EGF: variants seen among roughly 807,000 people sequenced by gnomAD.
EGF encodes the protein epidermal growth factor, also known as pro-epidermal growth factor.
EGF carries 95 observed loss-of-function variants against 143.8 expected under a neutral mutation model. The ratio of observed to expected loss-of-function variants is 0.66; its 90% CI spans 0.56 to 0.78. The LOEUF (loss-of-function observed/expected upper bound fraction) is 0.78, where lower values mean the gene tolerates loss of function less well. Ranked by LOEUF, EGF falls within the 30% of genes least tolerant of loss-of-function variation. The pLI is 0.00. For synonymous variants in EGF, 510 were observed against 510.5 expected, an observed-to-expected ratio of 1.00 and a Z score of 0.01; for missense variants, 1,320 against 1,470.9, an observed-to-expected ratio of 0.90 and a Z score of 1.68.
At chr4:109,936,101 G>T (rs773852280) in intron 1 of EGF, among the ~76,000 whole-genome samples, 27 of 152,266 alleles carry the variant, frequency 1.8e-4, no homozygotes, top group Non-Finnish European at 2.9e-4. Context: ...CTATTGATTG[G>T]AATAGTTTCA....
At chr4:109,919,297 C>CTCTG (rs1737292392) in intron 1 of EGF, among the ~76,000 whole-genome samples, 2 of 108,450 alleles carry the variant, frequency 1.8e-5, no homozygotes, top group Non-Finnish European at 3.8e-5. Flanking sequence ...GTCTCTCTCT[C>CTCTG]TCTCTCTCTC....
Position 109,969,104 on chromosome 4 carries a change from A to G in EGF, c.1709A>G (p.Tyr570Cys), listed in dbSNP as rs1747140641. Residue 570 changes from tyrosine (Y) to cysteine (C), a missense_variant, in exon 11 of 24, where the codon TAT (tyrosine) becomes TGT (cysteine). Tyr to Cys is a radical substitution (Grantham distance 194). Around this residue, in one of 5 missense-constraint regions of EGF, gnomAD observed 1,186 missense variants for 1,313.7 expected, o/e 0.90. Coordinates refer to ENST00000265171, the MANE Select transcript of EGF (RefSeq NM_001963.6). ...GTGGACTGGATTGGCCGTAGATTCTATTGGACAGACAGAGGGTATGTTTTC... is the reference window on the plus strand; with the variant it reads ...GTGGACTGGATTGGCCGTAGATTCTGTTGGACAGACAGAGGGTATGTTTTC... Reference protein sequence around the residue: ...LAVDWIGRRFYWTDRGKSLIG... With the variant: ...LAVDWIGRRFCWTDRGKSLIG... The G allele has an allele frequency of 1.9e-6, 3 of 1,614,120 alleles. No individual in the cohort carries two copies. The highest frequency in any genetic ancestry group is 2.2e-5 in the East Asian group (1 of 44,882).
intron 5 of EGF, among the ~76,000 whole-genome samples, chr4:109,955,003 G>C (rs1206279429): frequency 5.3e-5 from 8 of 152,210 alleles, no homozygotes; most frequent in Non-Finnish European, 1.2e-4. Context: ...CAAATATTTA[G>C]TTATGACTTC....
intron 13 of EGF, among the ~76,000 whole-genome samples, chr4:109,979,044 C>T (rs1015121197): frequency 3.3e-5 from 5 of 152,182 alleles, no homozygotes; most frequent in African/African-American, 9.7e-5. Context: ...TGAGATAGAA[C>T]GTTAAAACAT....
chr4:109,980,634 T>C, intron 14 of EGF, 192 bp from the exon 15 acceptor site: 2 of 660,052 alleles, frequency 3.0e-6, no homozygotes, highest in Non-Finnish European at 5.3e-6. Context: ...AATAACATTC[T>C]GGGCTTATCT....
intron 23 of EGF, among the ~76,000 whole-genome samples, chr4:110,010,662 G>A (rs577208128): frequency 6.6e-6 from 1 of 152,120 alleles, no homozygotes; most frequent in African/African-American, 2.4e-5. Context: ...TGTTACCCAG[G>A]CTGGTCTTGA....
intron 19 of EGF, among the ~76,000 whole-genome samples, 195 bp downstream of exon 19, chr4:109,993,564 G>A (rs193107967): frequency 6.6e-6 from 1 of 152,234 alleles, no homozygotes; most frequent in East Asian, 1.9e-4. Context: ...ATAGCATCTG[G>A]AATAAATCCT....
intron 9 of EGF, among the ~76,000 whole-genome samples, chr4:109,963,507 C>T (rs564693339): frequency 1.3e-4 from 20 of 152,162 alleles, no homozygotes; most frequent in Admixed American, 3.3e-4. Context: ...AATTAGCATC[C>T]GGCAAAGATT....
intron 1 of EGF, among the ~76,000 whole-genome samples, chr4:109,924,353 A>G (rs753729190): frequency 4.0e-5 from 6 of 151,730 alleles, no homozygotes; most frequent in Non-Finnish European, 8.8e-5. Flanking sequence ...TAATAGTTTT[A>G]AGTCGGTTTA....
intron 4 of EGF, among the ~76,000 whole-genome samples, 185 bp downstream of exon 4, chr4:109,944,254 A>T (rs1162689339): frequency 1.3e-5 from 2 of 152,222 alleles, no homozygotes; most frequent in Admixed American, 1.3e-4. Context: ...CCTGGCTAAC[A>T]CGGTGAAACC....
chr4:109,940,473 T>C (rs1408146856), intron 1 of EGF, among the ~76,000 whole-genome samples: 1 of 152,222 alleles, frequency 6.6e-6, no homozygotes, highest in Non-Finnish European at 1.5e-5. Flanking sequence ...TAAGACCTTT[T>C]AGTTTTCACC....
chr4:109,982,935 C>T (rs898932515), intron 15 of EGF, among the ~76,000 whole-genome samples: 6 of 152,058 alleles, frequency 3.9e-5, no homozygotes, highest in South Asian at 2.1e-4. Context: ...GTGGGCAGTG[C>T]GAGAATCTTA....
intron 10 of EGF, among the ~76,000 whole-genome samples, chr4:109,966,495 G>C (rs1746622764): frequency 6.6e-6 from 1 of 152,048 alleles, no homozygotes; most frequent in African/African-American, 2.4e-5. Flanking sequence ...ATAGTGCTGT[G>C]ATAAACATAC....
intron 5 of EGF, 145 bp from the exon 6 acceptor site, chr4:109,959,167 C>G: frequency 7.7e-7 from 1 of 1,303,688 alleles, no homozygotes; most frequent in African/African-American, 1.5e-5. Context: ...GCTGGGGAAT[C>G]TGGGCTCTGG....
At chr4:109,921,079 G>T (rs1456359672) in intron 1 of EGF, among the ~76,000 whole-genome samples, 1 of 151,530 alleles carries the variant, frequency 6.6e-6, no homozygotes, top group African/African-American at 2.4e-5. Flanking sequence ...CTTCTTGAAA[G>T]ATCTTACTAT....
intron 5 of EGF, among the ~76,000 whole-genome samples, chr4:109,952,922 C>A (rs1351018502): frequency 6.6e-6 from 1 of 152,184 alleles, no homozygotes; most frequent in Non-Finnish European, 1.5e-5. Flanking sequence ...CTGGCTGTGG[C>A]CTCTGTTTAT....
chr4:109,981,588 T>A (rs1244967925), intron 15 of EGF, among the ~76,000 whole-genome samples: 1 of 152,248 alleles, frequency 6.6e-6, no homozygotes, highest in Non-Finnish European at 1.5e-5. Flanking sequence ...TCCCTTGATA[T>A]CTTTCTAGCA....
chr4:109,927,846 TGTGA>T (rs1425410522), intron 1 of EGF, among the ~76,000 whole-genome samples: 4 of 128,788 alleles, frequency 3.1e-5, no homozygotes, highest in South Asian at 5.0e-4. Flanking sequence ...TGTGTGTGTG[TGTGA>T]AACATTTGGA....
chr4:109,968,966 T>C lies in EGF; in HGVS notation c.1576-5T>C. 1 of 1,614,128 alleles carries C rather than the reference T, an allele frequency of 6.2e-7. No individual in the cohort carries two copies. On this transcript the variant is annotated splice_polypyrimidine_tract_variant and splice_region_variant and intron_variant, in intron 10 of 23. Coordinates refer to ENST00000265171, the MANE Select transcript of EGF (RefSeq NM_001963.6). ...AATCAGAAATGCCTGTGTTCTCTTT[T>C]GTAGATATACTTTGCCCATACAGCC...
Sources: allele counts gnomAD v4.1 joint callset (sites outside exome capture counted in the v4.1 genomes callset), GRCh38; gene constraint gnomAD v4.1.1; regional missense constraint gnomAD v4.1.1; transcripts MANE v1.5; gene names NCBI Gene and HGNC (gene_info 2026-07-23, HGNC 2026-07-21).